Variants in CNNM2 observed in about 807,000 individuals in gnomAD.
CNNM2 encodes metal transporter CNNM2.
In CNNM2, 12 loss-of-function variants were observed where a neutral mutation model predicts 66.9. The ratio of observed to expected loss-of-function variants is 0.18; its 90% CI spans 0.11 to 0.29. The LOEUF (loss-of-function observed/expected upper bound fraction) is 0.29. Among genes scored for constraint, CNNM2 ranks in the 10% least tolerant of loss-of-function variants. CNNM2 has a pLI of 1.00. For synonymous variants in CNNM2, 557 were observed against 501.8 expected (o/e 1.11, Z -1.47); for missense variants, 705 against 1,167.7 (o/e 0.60, Z 5.77).
At chr10:102,972,324 G>GTTTTGT (rs758484699) in intron 1 of CNNM2, among the ~76,000 whole-genome samples, 34 of 152,110 alleles carry the variant, frequency 2.2e-4, no homozygotes, top group Non-Finnish European at 4.1e-4. Context: ...AGTTTGGTTT[G>GTTTTGT]TTTTGTTTTG....
At chr10:103,047,328 A>G (rs1564859861) in intron 1 of CNNM2, among the ~76,000 whole-genome samples, 1 of 152,232 alleles carries the variant, frequency 6.6e-6, no homozygotes, top group Non-Finnish European at 1.5e-5. Context: ...AGGCCTGACC[A>G]GTACCCTTCA....
At chr10:103,008,256 A>G (rs1392385134) in intron 1 of CNNM2, among the ~76,000 whole-genome samples, 1 of 152,124 alleles carries the variant, frequency 6.6e-6, no homozygotes, top group Non-Finnish European at 1.5e-5. Context: ...CTCAGGATCA[A>G]CTGTGTAATT....
chr10:102,989,066 T>G (rs1418525792), intron 1 of CNNM2, among the ~76,000 whole-genome samples: 1 of 152,146 alleles, frequency 6.6e-6, no homozygotes, highest in Non-Finnish European at 1.5e-5. Context: ...GCTCTTCTGG[T>G]TTCCTTAAAC....
chr10:102,937,759 G>C (rs5011520), intron 1 of CNNM2, among the ~76,000 whole-genome samples: 1 of 151,368 alleles, frequency 6.6e-6, no homozygotes, highest in Non-Finnish European at 1.5e-5. Flanking sequence ...ATTTTCTTTC[G>C]TTCTTTTTCT....
chr10:102,973,517 TG>T lies in CNNM2; in HGVS notation c.1621+53417del, dbSNP rs144452309. 1.7e-4 allele frequency among the ~76,000 whole-genome samples: 24 copies of T among 140,204 alleles called. No homozygotes were observed. The South Asian group carries it at 1.9e-3, about 11-fold the overall frequency. 92.0% of individuals were successfully genotyped at this position (140,204 alleles called of 152,430 possible). On this transcript the variant is annotated intron_variant, in intron 1 of 7. Coordinates refer to ENST00000369878, the MANE Select transcript of CNNM2 (RefSeq NM_017649.5). ...TGCTAATTTTCTGTGTGTGTGTGTG[TG>T]TTTTTTTTTTTTTTGGTAGAGACAA...
At chr10:103,064,902 G>A (rs999014124) in intron 4 of CNNM2, among the ~76,000 whole-genome samples, 1 of 152,104 alleles carries the variant, frequency 6.6e-6, no homozygotes, top group African/African-American at 2.4e-5. Context: ...AAAAAATTTG[G>A]CAACCCCGTA....
intron 1 of CNNM2, among the ~76,000 whole-genome samples, chr10:102,925,189 G>A (rs1383592136): frequency 6.6e-6 from 1 of 151,204 alleles, no homozygotes; most frequent in Non-Finnish European, 1.5e-5. Flanking sequence ...CCAACTACTC[G>A]GGAGGCTGAG....
chr10:103,022,396 CAGCTGGTG>C (rs1169565463), intron 1 of CNNM2, among the ~76,000 whole-genome samples: 13 of 152,200 alleles, frequency 8.5e-5, no homozygotes, highest in African/African-American at 2.9e-4. Flanking sequence ...CCCCTATTGT[CAGCTGGTG>C]ACCTTATAGA....
At chr10:103,029,390 G>A (rs1267611634) in intron 1 of CNNM2, among the ~76,000 whole-genome samples, 1 of 151,892 alleles carries the variant, frequency 6.6e-6, no homozygotes, top group Non-Finnish European at 1.5e-5. Flanking sequence ...CTTGAACCCA[G>A]GTGGCAGAGG....
intron 1 of CNNM2, among the ~76,000 whole-genome samples, chr10:102,972,148 A>G (rs978492336): frequency 6.6e-6 from 1 of 152,270 alleles, no homozygotes; most frequent in Admixed American, 6.5e-5. Context: ...TATGCTTGCA[A>G]CGTGTTTCCA....
At chr10:102,978,252 T>TA (rs1420406573) in intron 1 of CNNM2, among the ~76,000 whole-genome samples, 3 of 149,888 alleles carry the variant, frequency 2.0e-5, no homozygotes, top group Non-Finnish European at 4.4e-5. Context: ...ATCTCAAACA[T>TA]ACGATTTTCA....
intron 1 of CNNM2, among the ~76,000 whole-genome samples, chr10:103,006,384 A>C (rs2064228628): frequency 6.6e-6 from 1 of 150,892 alleles, no homozygotes; most frequent in Admixed American, 6.6e-5. Flanking sequence ...TTTTTGTATT[A>C]TTGGTAGAGA....
At chr10:102,954,933 C>T (rs942812950) in intron 1 of CNNM2, among the ~76,000 whole-genome samples, 4 of 152,082 alleles carry the variant, frequency 2.6e-5, no homozygotes, top group East Asian at 1.9e-4. Flanking sequence ...GAATCAATAT[C>T]GTGAAAATGG....
At position 103,089,839 on chromosome 10, in the gene CNNM2, G is replaced by A. The variant is rs765678401; in HGVS notation, c.*12659G>A. 8.7e-6 allele frequency: 14 copies of A among 1,613,926 alleles called. No homozygotes were observed. The highest frequency in any genetic ancestry group is 6.7e-5 in the African/African-American group (5 of 74,884). On this transcript the variant is annotated 3_prime_UTR_variant, in exon 8 of 8. Transcript: ENST00000369878. The stretch of plus-strand genomic sequence containing the variant: ...TTGAAATCCACTGATGTGCGGTTCC[G>A]GGTGGCAAGAGGAGACTCCATCTCA...
intron 5 of CNNM2, 124 bp downstream of exon 5, chr10:103,068,846 T>G (rs957433598): frequency 4.3e-6 from 3 of 691,488 alleles, no homozygotes; most frequent in South Asian, 4.0e-5. Flanking sequence ...ACTTTTTTTT[T>G]GAAGTATATC....
intron 1 of CNNM2, among the ~76,000 whole-genome samples, chr10:102,975,673 C>A (rs1352676196): frequency 2.0e-5 from 3 of 152,086 alleles, no homozygotes; most frequent in Non-Finnish European, 4.4e-5. Flanking sequence ...TGAAGCACTC[C>A]TCTGGAACAT....
At chr10:103,021,642 CTTCCCTTGACTCCTGCTGT>C (rs1465838224) in intron 1 of CNNM2, among the ~76,000 whole-genome samples, 8 of 152,126 alleles carry the variant, frequency 5.3e-5, no homozygotes, top group Non-Finnish European at 1.0e-4. Context: ...ACTTCTGCTG[CTTCCCTTGACTCCTGCTGT>C]AGGAAACAGA....
chr10:103,057,671 A>T (rs2065318412), intron 4 of CNNM2, among the ~76,000 whole-genome samples: 1 of 152,202 alleles, frequency 6.6e-6, no homozygotes, highest in African/African-American at 2.4e-5. Context: ...ACTTAAGTTT[A>T]TACAGCTTCT....
intron 1 of CNNM2, among the ~76,000 whole-genome samples, chr10:102,991,215 T>C (rs927737116): frequency 1.3e-5 from 2 of 152,104 alleles, no homozygotes; most frequent in African/African-American, 4.8e-5. Context: ...CTCGAACTCC[T>C]GACCTCAAGT....
Sources: gnomAD v4.1 joint callset for allele counts (sites outside exome capture counted in the v4.1 genomes callset) on GRCh38, gnomAD v4.1.1 for gene constraint, MANE v1.5 for transcripts, NCBI Gene and HGNC (gene_info 2026-07-23, HGNC 2026-07-21) for gene names.